The following TMEM132B variants were observed in gnomAD, a reference collection of about 807,000 sequenced individuals.
TMEM132B encodes transmembrane protein 132B.
In TMEM132B, 18 loss-of-function variants were observed where a neutral mutation model predicts 90.8. The observed-to-expected ratio is 0.20, with a 90% CI of 0.14 to 0.29. The LOEUF (loss-of-function observed/expected upper bound fraction) is 0.29, where lower values mean the gene tolerates loss of function less well. Among genes scored for constraint, TMEM132B ranks in the 10% least tolerant of loss-of-function variants. The probability of loss-of-function intolerance (pLI) is 1.00; values close to 1 mark genes in which losing one functional copy is unlikely to be tolerated. For synonymous variants in TMEM132B, 504 were observed against 523.3 expected (o/e 0.96, Z 0.50); for missense variants, 1,096 against 1,326.8 (o/e 0.83, Z 2.70).
intron 1 of TMEM132B, among the ~76,000 whole-genome samples, chr12:125,330,253 C>T (rs1876724227): frequency 6.6e-6 from 1 of 152,020 alleles, no homozygotes. Flanking sequence ...CTCCCCTAAG[C>T]CTATCCTGGT....
chr12:125,302,926 G>A (rs891972298), intron 1 of TMEM132B, among the ~76,000 whole-genome samples: 10 of 151,904 alleles, frequency 6.6e-5, no homozygotes, highest in African/African-American at 1.5e-4. Flanking sequence ...GTGAAATCCC[G>A]TCTCTACTAA....
chr12:125,453,861 C>A (rs1020931171), intron 3 of TMEM132B, among the ~76,000 whole-genome samples: 1 of 152,100 alleles, frequency 6.6e-6, no homozygotes, highest in Non-Finnish European at 1.5e-5. Context: ...TGGTGTGTAC[C>A]GACTCTGCTT....
At chr12:125,477,493 G>GA (rs899390322) in intron 3 of TMEM132B, among the ~76,000 whole-genome samples, 2 of 150,868 alleles carry the variant, frequency 1.3e-5, no homozygotes, top group African/African-American at 2.4e-5. Context: ...CTTTCTCAAA[G>GA]AAAAAATTCC....
chr12:125,593,738 A>G (rs1414394421), intron 5 of TMEM132B, among the ~76,000 whole-genome samples: 2 of 152,234 alleles, frequency 1.3e-5, no homozygotes, highest in African/African-American at 4.8e-5. Flanking sequence ...TGTCAGCTTC[A>G]TATTCAAGTT....
chr12:125,295,397 G>A (rs572676244), intron 1 of TMEM132B, among the ~76,000 whole-genome samples: 6 of 152,260 alleles, frequency 3.9e-5, no homozygotes, highest in African/African-American at 7.2e-5. Context: ...GGAAGGGAAC[G>A]TGGACATGAA....
chr12:125,457,954 C>T (rs111778653), intron 3 of TMEM132B, among the ~76,000 whole-genome samples: 1,926 of 152,216 alleles, frequency 0.013, 18 homozygotes, highest in Middle Eastern at 0.044. Context: ...AAAGCAAGGC[C>T]TGCTGTGGTC....
intron 2 of TMEM132B, among the ~76,000 whole-genome samples, chr12:125,391,280 TA>T (rs1332853495): frequency 6.6e-6 from 1 of 152,206 alleles, no homozygotes; most frequent in Non-Finnish European, 1.5e-5. Context: ...TGGATAGAGC[TA>T]TACAAATGGA....
chr12:125,636,822 A>G (rs1490683545), intron 5 of TMEM132B, among the ~76,000 whole-genome samples: 1 of 152,186 alleles, frequency 6.6e-6, no homozygotes, highest in African/African-American at 2.4e-5. Context: ...ATTATCTCAC[A>G]TCTTCTCTCT....
At chr12:125,625,130 CTTTT>C (rs1169262449) in intron 5 of TMEM132B, among the ~76,000 whole-genome samples, 1,057 of 103,894 alleles carry the variant, frequency 0.01, 14 homozygotes, top group African/African-American at 0.038. Context: ...GATTTGACTT[CTTTT>C]TTTTTTTTTT....
intron 1 of TMEM132B, among the ~76,000 whole-genome samples, chr12:125,314,808 T>G (rs1475097348): frequency 6.6e-6 from 1 of 152,184 alleles, no homozygotes; most frequent in Non-Finnish European, 1.5e-5. Context: ...TTTCAGAAAT[T>G]AGAATAAAGA....
intron 1 of TMEM132B, among the ~76,000 whole-genome samples, chr12:125,321,217 A>T (rs1409600575): frequency 2.0e-5 from 3 of 152,312 alleles, no homozygotes; most frequent in Non-Finnish European, 4.4e-5. Flanking sequence ...CCTAACTGTT[A>T]TGTGACATCT....
In TMEM132B at chr12:125,458,375, T is replaced by C. The variant is rs1385746455; in HGVS notation, c.1106+42698T>C. Among the ~76,000 whole-genome samples, 5 of 152,088 alleles carry C rather than the reference T, an allele frequency of 3.3e-5. No homozygotes were observed. The highest frequency in any genetic ancestry group is 5.9e-5 in the Non-Finnish European group (4 of 68,012). ...TGCCATAAACAACTTGGAGCTTGAA[T>C]AGAAACCAGGAAACAGCAGTTTTCA... On this transcript the variant is annotated intron_variant, in intron 3 of 8. Coordinates refer to ENST00000682704, the MANE Select transcript of TMEM132B (RefSeq NM_001366854.1). The surrounding 1 kb of genome is among the most constrained non-coding windows in gnomAD (Gnocchi z 4.9).
chr12:125,200,112 A>G (rs1475238451), intron 1 of TMEM132B, among the ~76,000 whole-genome samples: 2 of 152,218 alleles, frequency 1.3e-5, no homozygotes, highest in Admixed American at 1.3e-4. Context: ...TTACAACCAC[A>G]CTTGTCTTAA....
chr12:125,230,213 T>C (rs1300238016), intron 1 of TMEM132B, among the ~76,000 whole-genome samples: 1 of 152,192 alleles, frequency 6.6e-6, no homozygotes, highest in Non-Finnish European at 1.5e-5. Flanking sequence ...TTGCTGGTTG[T>C]AGAAACTTTT....
rs1241518051 is a variant in TMEM132B at position 125,657,720 on chromosome 12, A to G, written c.*3010A>G. ...TCTTGATAAACAACCTGAACCAAACATTTATAAAGTCCCTTCCTCTCCCAT... is the reference window on the plus strand; with the variant it reads ...TCTTGATAAACAACCTGAACCAAACGTTTATAAAGTCCCTTCCTCTCCCAT... On this transcript the variant is annotated 3_prime_UTR_variant, in exon 9 of 9. Coordinates refer to ENST00000682704, the MANE Select transcript of TMEM132B (RefSeq NM_001366854.1). 1 of 152,138 alleles carries G rather than the reference A, an allele frequency of 6.6e-6. No homozygotes were observed. Among genetic ancestry groups the G allele is most frequent in the Non-Finnish European group, 1.5e-5 (1 of 68,028 alleles). The allele number at this position is 152,138 out of a possible 1,614,324, so 9.4% of individuals were successfully genotyped here. A position where few individuals can be genotyped will look rare whatever the true frequency, so the allele number is the denominator to read the frequency against.
At chr12:125,323,928 A>G (rs1007598814) in intron 1 of TMEM132B, among the ~76,000 whole-genome samples, 1 of 152,178 alleles carries the variant, frequency 6.6e-6, no homozygotes, top group Non-Finnish European at 1.5e-5. Context: ...ACCCAGAAAA[A>G]TCATGTGAGC....
In TMEM132B at chr12:125,407,769, G is replaced by A. The variant is rs1046423052; in HGVS notation, c.960-7762G>A. Among the ~76,000 whole-genome samples the A allele has an allele frequency of 1.3e-5, 2 of 152,208 alleles. No homozygotes were observed. The highest frequency in any genetic ancestry group is 2.9e-5 in the Non-Finnish European group (2 of 68,040). The stretch of plus-strand genomic sequence containing the variant: ...GGAGAAACGCCTCTGTGTGTCTGGG[G>A]TGGTGACATTTGGGTTCACCTGGAG... On this transcript the variant is annotated intron_variant, in intron 2 of 8. Coordinates refer to ENST00000682704, the MANE Select transcript of TMEM132B (RefSeq NM_001366854.1). The surrounding 1 kb of genome is among the most constrained non-coding windows in gnomAD (Gnocchi z 6.7).
At chr12:125,371,129 C>T (rs1878281571) in intron 2 of TMEM132B, among the ~76,000 whole-genome samples, 1 of 151,956 alleles carries the variant, frequency 6.6e-6, no homozygotes, top group Non-Finnish European at 1.5e-5. Flanking sequence ...AAGCATCCAG[C>T]ACAGGAGACA....
chr12:125,195,393 G>GTTTT, intron 1 of TMEM132B, among the ~76,000 whole-genome samples: 1 of 102,646 alleles, frequency 9.7e-6, no homozygotes, highest in Non-Finnish European at 2.1e-5. Context: ...AGGGTTTGCG[G>GTTTT]GTTTTTTTTT....
Sources: allele counts gnomAD v4.1 joint callset (sites outside exome capture counted in the v4.1 genomes callset), GRCh38; gene constraint gnomAD v4.1.1; non-coding constraint Gnocchi (gnomAD v3.1); transcripts MANE v1.5; gene names NCBI Gene and HGNC (gene_info 2026-07-23, HGNC 2026-07-21).